The following SEZ6L variants were observed in gnomAD, a reference collection of about 807,000 sequenced individuals.
SEZ6L encodes seizure related 6 homolog like, also known as seizure 6-like protein.
SEZ6L carries 37 observed loss-of-function variants against 106.2 expected under a neutral mutation model. The observed-to-expected ratio is 0.35, with a 90% CI of 0.27 to 0.46. The LOEUF (loss-of-function observed/expected upper bound fraction) is 0.46. SEZ6L is among the 20% of genes least tolerant of loss of function. The probability of loss-of-function intolerance (pLI) is 1.00; values close to 1 mark genes in which losing one functional copy is unlikely to be tolerated. For missense variants in SEZ6L, 1,172 were observed against 1,332.8 expected, an observed-to-expected ratio of 0.88 and a Z score of 1.88; for synonymous variants, 541 against 570.4, an observed-to-expected ratio of 0.95 and a Z score of 0.73.
intron 16 of SEZ6L, 69 bp downstream of exon 16, chr22:26,377,844 A>G (rs2084281457): frequency 8.5e-7 from 1 of 1,178,318 alleles, no homozygotes; most frequent in African/African-American, 1.5e-5. Flanking sequence ...ACAATAAGAC[A>G]AAACATTTCA....
At chr22:26,317,592 C>T (rs1396414513) in intron 9 of SEZ6L, among the ~76,000 whole-genome samples, 1 of 152,018 alleles carries the variant, frequency 6.6e-6, no homozygotes, top group Non-Finnish European at 1.5e-5. Flanking sequence ...AACCTTCAGC[C>T]TGACACCAGA....
In SEZ6L at chr22:26,294,417, G is replaced by A. The variant is rs866486034; in HGVS notation, c.961G>A (p.Glu321Lys). Residue 321 changes from glutamate to lysine, a missense_variant, in exon 3 of 17, where the codon GAG (glutamate) becomes AAG (lysine). By Grantham distance (56) the Glu-to-Lys change is moderately conservative (BLOSUM62 1). Coordinates refer to ENST00000248933, the MANE Select transcript of SEZ6L (RefSeq NM_021115.5). ...GACAGTCTACACTGGCTATGGGGTG[G>A]AGCTCCAGGTAACCCCAGGAGAGTA... ...NVTVYTGYGV[E>K]LQVKSVNLSD... The A allele has an allele frequency of 1.2e-6, 2 of 1,613,956 alleles. No homozygotes were observed. The highest frequency in any genetic ancestry group is 1.7e-6 in the Non-Finnish European group (2 of 1,179,964).
intron 1 of SEZ6L, among the ~76,000 whole-genome samples, chr22:26,250,110 G>T (rs1198426303): frequency 6.6e-6 from 1 of 152,072 alleles, no homozygotes; most frequent in Non-Finnish European, 1.5e-5. Flanking sequence ...CTCCCATTCT[G>T]CAGGTTGTCT....
intron 9 of SEZ6L, among the ~76,000 whole-genome samples, chr22:26,326,071 A>G (rs2082297374): frequency 6.6e-6 from 1 of 152,152 alleles, no homozygotes; most frequent in South Asian, 2.1e-4. Context: ...CACGATTTGC[A>G]GGGGATTGTG....
intron 12 of SEZ6L, among the ~76,000 whole-genome samples, chr22:26,355,779 G>A (rs1431624994): frequency 6.6e-6 from 1 of 152,172 alleles, no homozygotes; most frequent in Admixed American, 6.5e-5. Flanking sequence ...ATAAGCTCTG[G>A]TTGTCTACAG....
At chr22:26,354,135 T>G (rs1284664411) in intron 12 of SEZ6L, among the ~76,000 whole-genome samples, 1 of 152,216 alleles carries the variant, frequency 6.6e-6, no homozygotes, top group African/African-American at 2.4e-5. Flanking sequence ...ACTGTGACCT[T>G]GATTAGAACT....
chr22:26,292,909 C>G lies in SEZ6L; in HGVS notation c.598C>G (p.Leu200Val). 1 of 1,614,208 alleles carries G rather than the reference C, an allele frequency of 6.2e-7. No individual in the cohort carries two copies. Among genetic ancestry groups the G allele is most frequent in the Non-Finnish European group, 8.5e-7 (1 of 1,180,030 alleles). Residue 200 changes from leucine (L) to valine (V), a missense_variant, in exon 2 of 17, where the codon CTG becomes GTG. Physicochemically the swap from Leu to Val is conservative, Grantham distance 32 (BLOSUM62 1). Coordinates refer to ENST00000248933, the MANE Select transcript of SEZ6L (RefSeq NM_021115.5). ...ESAVPTTPAP[L>V]QISPFTSQPY... is the part of the protein sequence containing the mutation. ...TGCGGTCCCTACAACACCCGCACCC[C>G]TGCAAATCTCCCCCTTCACTTCGCA...
chr22:26,232,384 ACACACACACACT>A (rs1192208809), intron 1 of SEZ6L, among the ~76,000 whole-genome samples: 1 of 149,472 alleles, frequency 6.7e-6, no homozygotes, highest in African/African-American at 2.5e-5. Flanking sequence ...ACACACACAC[ACACACACACACT>A]AAGAGCCCAA....
rs2081187169 is a variant in SEZ6L at position 26,293,011 on chromosome 22, CAGG to C, written c.705_707del (p.Glu235del). 6.2e-7 allele frequency: 1 copy of C among 1,614,198 alleles called. No individual in the cohort carries two copies. The highest frequency in any genetic ancestry group is 1.7e-5 in the Admixed American group (1 of 60,022). On this transcript the variant is annotated inframe_deletion, in exon 2 of 17. Coordinates refer to ENST00000248933, the MANE Select transcript of SEZ6L (RefSeq NM_021115.5). ...GCCTGACATGGCCCAGGAGGCCCCC[CAGG>C]AGGACACCAGCCCCATGGCCCTGAT...
At chr22:26,292,352 G>T in intron 1 of SEZ6L, 54 bp from the exon 2 acceptor site, 2 of 1,430,666 alleles carry the variant, frequency 1.4e-6, no homozygotes, top group Non-Finnish European at 1.9e-6. Flanking sequence ...TCTGACAGCA[G>T]GTGAAGGTCC....
chr22:26,348,652 A>AAGAAAG (rs2083127641), intron 11 of SEZ6L, among the ~76,000 whole-genome samples: 4 of 44,842 alleles, frequency 8.9e-5, no homozygotes, highest in African/African-American at 4.0e-4. Context: ...AAGAAAAAGA[A>AAGAAAG]AGAAAGAAAG....
intron 1 of SEZ6L, among the ~76,000 whole-genome samples, chr22:26,187,285 G>C (rs1184828934): frequency 6.6e-6 from 1 of 152,200 alleles, no homozygotes; most frequent in Admixed American, 6.5e-5. Context: ...GGCCTTGTGA[G>C]AACTCACTCA....
At chr22:26,199,676 T>G (rs1424865307) in intron 1 of SEZ6L, among the ~76,000 whole-genome samples, 1 of 152,236 alleles carries the variant, frequency 6.6e-6, no homozygotes, top group Admixed American at 6.5e-5. Context: ...AGGATTCATT[T>G]CAGACTGTCA....
intron 1 of SEZ6L, among the ~76,000 whole-genome samples, chr22:26,210,390 G>A (rs1430374445): frequency 6.6e-6 from 1 of 152,134 alleles, no homozygotes; most frequent in Admixed American, 6.5e-5. Flanking sequence ...TTTCCTGAGT[G>A]GGTTCTAATA....
chr22:26,358,369 C>T (rs1416070761), intron 12 of SEZ6L, among the ~76,000 whole-genome samples: 1 of 152,186 alleles, frequency 6.6e-6, no homozygotes, highest in Non-Finnish European at 1.5e-5. Flanking sequence ...GAAAAACGAA[C>T]ATGCCAATCA....
intron 9 of SEZ6L, among the ~76,000 whole-genome samples, chr22:26,325,742 TAAC>T (rs376440403): frequency 1.6e-5 from 2 of 125,560 alleles, no homozygotes; most frequent in South Asian, 2.5e-4. Flanking sequence ...CAAATGAAAA[TAAC>T]AATGGTACCC....
At chr22:26,253,355 A>ACTG (rs931284738) in intron 1 of SEZ6L, among the ~76,000 whole-genome samples, 1 of 152,138 alleles carries the variant, frequency 6.6e-6, no homozygotes. Context: ...TGTTGGTGGT[A>ACTG]CTGCTGCTGC....
At chr22:26,369,975 TC>T (rs2083971208) in intron 13 of SEZ6L, among the ~76,000 whole-genome samples, 1 of 152,232 alleles carries the variant, frequency 6.6e-6, no homozygotes. Flanking sequence ...ATTGGGAAGT[TC>T]CTGAGTAAAG....
Position 26,169,702 on chromosome 22 carries a change from C to G in SEZ6L, c.33C>G (p.Leu11=). The change falls in exon 1 of 17, where the codon CTC becomes CTG. Residue 11 remains leucine, a synonymous_variant. Transcript: ENST00000248933. The part of the protein sequence containing the change: MPAARPPAAG[L]RGISLFLALL... ...CGGCCCGGCCGCCCGCCGCGGGACT[C>G]CGCGGGATCTCGCTGTTCCTCGCTC... 7.6e-7 allele frequency: 1 copy of G among 1,313,908 alleles called. No homozygotes were observed. The highest frequency in any genetic ancestry group is 3.1e-5 in the East Asian group (1 of 32,272). The allele number at this position is 1,313,908 out of a possible 1,614,324, so 81.4% of individuals were successfully genotyped here.
Sources: gnomAD v4.1 joint callset for allele counts (sites outside exome capture counted in the v4.1 genomes callset) on GRCh38, gnomAD v4.1.1 for gene constraint, MANE v1.5 for transcripts, NCBI Gene and HGNC (gene_info 2026-07-23, HGNC 2026-07-21) for gene names.